The following PRIM2 variants were observed in gnomAD, a reference collection of about 807,000 sequenced individuals.
PRIM2 encodes DNA primase large subunit.
In PRIM2, 39 loss-of-function variants were observed where a neutral mutation model predicts 67.3. The observed-to-expected ratio is 0.58, with a 90% CI of 0.45 to 0.76. The LOEUF (loss-of-function observed/expected upper bound fraction) is 0.76, where lower values mean the gene tolerates loss of function less well. Among genes scored for constraint, PRIM2 ranks in the 30% least tolerant of loss-of-function variants. PRIM2 has a pLI of 0.00. For synonymous variants in PRIM2, 143 were observed against 198.7 expected (o/e 0.72, Z 2.36); for missense variants, 398 against 598.7 (o/e 0.66, Z 3.50).
intron 7 of PRIM2, among the ~76,000 whole-genome samples, chr6:57,430,443 C>CTTTT (rs1771780891): frequency 1.9e-5 from 2 of 106,410 alleles, no homozygotes; most frequent in Admixed American, 1.0e-4. Flanking sequence ...GAGTTTCTTT[C>CTTTT]TTTGTTTTTT....
chr6:57,352,561 G>T (rs1258460308), intron 5 of PRIM2, among the ~76,000 whole-genome samples: 2 of 152,116 alleles, frequency 1.3e-5, no homozygotes, highest in Non-Finnish European at 2.9e-5. Flanking sequence ...CACTTTTCTT[G>T]ACATCCTCTA....
At chr6:57,469,448 C>T in intron 7 of PRIM2, among the ~76,000 whole-genome samples, 1 of 152,226 alleles carries the variant, frequency 6.6e-6, no homozygotes, top group Middle Eastern at 3.4e-3. Flanking sequence ...AAATTGAACC[C>T]TTGATATTGA....
intron 9 of PRIM2, among the ~76,000 whole-genome samples, chr6:57,533,965 G>A (rs1774945033): frequency 6.6e-6 from 1 of 152,166 alleles, no homozygotes; most frequent in South Asian, 2.1e-4. Context: ...ACCCCGTGGT[G>A]AGTAATACAG....
At chr6:57,576,001 C>A (rs1308500096) in intron 10 of PRIM2, among the ~76,000 whole-genome samples, 1 of 152,144 alleles carries the variant, frequency 6.6e-6, no homozygotes, top group African/African-American at 2.4e-5. Context: ...TGGTCTCAAA[C>A]TCCTGACCTC....
intron 7 of PRIM2, among the ~76,000 whole-genome samples, chr6:57,452,134 T>C (rs1772575588): frequency 6.6e-6 from 1 of 152,170 alleles, no homozygotes; most frequent in Non-Finnish European, 1.5e-5. Context: ...TATGGCTGCA[T>C]AGTATTCCGT....
At chr6:57,400,128 A>G (rs956975293) in intron 7 of PRIM2, among the ~76,000 whole-genome samples, 1 of 152,290 alleles carries the variant, frequency 6.6e-6, no homozygotes, top group Non-Finnish European at 1.5e-5. Context: ...ATATGTGTAC[A>G]TTTGATCCTG....
chr6:57,551,918 C>CT (rs1281169829), intron 10 of PRIM2, among the ~76,000 whole-genome samples: 10 of 152,182 alleles, frequency 6.6e-5, no homozygotes, highest in African/African-American at 2.2e-4. Context: ...TGGCATTTTT[C>CT]TTGTCATATC....
chr6:57,569,104 ATTTTATCATTCTG>A (rs1775810410), intron 10 of PRIM2, among the ~76,000 whole-genome samples: 2 of 152,202 alleles, frequency 1.3e-5, no homozygotes, highest in African/African-American at 4.8e-5. Flanking sequence ...AACTTGGTTC[ATTTTATCATTCTG>A]GTCAAGATAC....
At chr6:57,600,451 C>A (rs1362655157) in intron 10 of PRIM2, among the ~76,000 whole-genome samples, 5 of 151,768 alleles carry the variant, frequency 3.3e-5, no homozygotes, top group Non-Finnish European at 5.9e-5. Flanking sequence ...CTCAACCCCC[C>A]AGCCCAAGTG....
intron 12 of PRIM2, among the ~76,000 whole-genome samples, chr6:57,607,932 C>T: frequency 6.6e-6 from 1 of 151,700 alleles, no homozygotes; most frequent in Non-Finnish European, 1.5e-5. Context: ...TAGGATGTGA[C>T]ATGCCATGGT....
chr6:57,522,327 C>G (rs1774642169), intron 8 of PRIM2, among the ~76,000 whole-genome samples: 2 of 152,166 alleles, frequency 1.3e-5, no homozygotes, highest in South Asian at 4.1e-4. Context: ...TATAGGTATA[C>G]CTAGTCCTCC....
chr6:57,519,367 C>T (rs1249115040), intron 8 of PRIM2, among the ~76,000 whole-genome samples: 2 of 152,184 alleles, frequency 1.3e-5, no homozygotes, highest in East Asian at 3.8e-4. Flanking sequence ...TCTATTTCAC[C>T]CCTGCAGTCT....
chr6:57,598,297 A>T, intron 10 of PRIM2, among the ~76,000 whole-genome samples: 1 of 152,224 alleles, frequency 6.6e-6, no homozygotes, highest in East Asian at 1.9e-4. Context: ...TTAAACAAAC[A>T]TATTTTTTTC....
At chr6:57,295,693 T>G in the PRIM2 span, among the ~76,000 whole-genome samples, 1 of 152,208 alleles carries the variant, frequency 6.6e-6, no homozygotes, top group Non-Finnish European at 1.5e-5. Flanking sequence ...CCCTCCTGAG[T>G]GCCAAATCTT....
chr6:57,576,006 G>T (rs1775958194), intron 10 of PRIM2, among the ~76,000 whole-genome samples: 1 of 152,072 alleles, frequency 6.6e-6, no homozygotes, highest in African/African-American at 2.4e-5. Flanking sequence ...TCAAACTCCT[G>T]ACCTCAGGTG....
intron 13 of PRIM2, among the ~76,000 whole-genome samples, chr6:57,640,216 G>T (rs1380316482): frequency 1.3e-5 from 2 of 152,024 alleles, no homozygotes; most frequent in Non-Finnish European, 2.9e-5. Flanking sequence ...CAATAAACTA[G>T]GTATTGATGG....
At chr6:57,412,341 AT>A (rs1256149526) in intron 7 of PRIM2, among the ~76,000 whole-genome samples, 2 of 152,102 alleles carry the variant, frequency 1.3e-5, no homozygotes, top group Non-Finnish European at 2.9e-5. Flanking sequence ...TTATCTAATT[AT>A]TGATATTAGA....
At chr6:57,430,531 G>A (rs1771788954) in intron 7 of PRIM2, among the ~76,000 whole-genome samples, 1 of 132,648 alleles carries the variant, frequency 7.5e-6, no homozygotes, top group African/African-American at 2.8e-5. Context: ...TCAGCTCACT[G>A]CAACCTCTAC....
At chr6:57,443,278 G>A (rs1772260631) in intron 7 of PRIM2, among the ~76,000 whole-genome samples, 1 of 152,172 alleles carries the variant, frequency 6.6e-6, no homozygotes, top group Admixed American at 6.5e-5. Flanking sequence ...AAGTAGGATT[G>A]CTGGATTTTG....
Sources: allele counts gnomAD v4.1 joint callset (sites outside exome capture counted in the v4.1 genomes callset), GRCh38; gene constraint gnomAD v4.1.1; transcripts MANE v1.5; gene names NCBI Gene and HGNC (gene_info 2026-07-23, HGNC 2026-07-21).